The following CGNL1 variants were observed in gnomAD, a reference collection of about 807,000 sequenced individuals.
The protein encoded by CGNL1 is cingulin-like protein 1.
Under a neutral mutation model 141.2 loss-of-function variants are expected in CGNL1, and 132 were observed. The ratio of observed to expected loss-of-function variants is 0.93; its 90% CI spans 0.81 to 1.08. The LOEUF is 1.08. CGNL1 is among the 50% of genes least tolerant of loss of function. The probability of loss-of-function intolerance (pLI) is 0.00; values close to 1 mark genes in which losing one functional copy is unlikely to be tolerated. For missense variants in CGNL1, 1,870 were observed against 1,588.6 expected (o/e 1.18, Z -3.01); for synonymous variants, 690 against 622.1 (o/e 1.11, Z -1.63).
intron 1 of CGNL1, among the ~76,000 whole-genome samples, chr15:57,383,122 A>C (rs1443715171): frequency 6.6e-6 from 1 of 152,140 alleles, no homozygotes; most frequent in Non-Finnish European, 1.5e-5. Context: ...TCCTTGCCCT[A>C]ATCAAGTATC....
intron 14 of CGNL1, among the ~76,000 whole-genome samples, chr15:57,540,524 T>C (rs1268308553): frequency 1.3e-5 from 2 of 152,190 alleles, no homozygotes; most frequent in Non-Finnish European, 2.9e-5. Flanking sequence ...TTGTGGGAAC[T>C]ACAATTTAAG....
At chr15:57,417,168 A>G (rs894637721) in intron 1 of CGNL1, among the ~76,000 whole-genome samples, 4 of 152,204 alleles carry the variant, frequency 2.6e-5, no homozygotes, top group Non-Finnish European at 5.9e-5. Context: ...TTACTGCACT[A>G]TTACGTATCT....
chr15:57,383,595 CCTTTT>C (rs71441464), intron 1 of CGNL1, among the ~76,000 whole-genome samples: 51,582 of 107,246 alleles, frequency 0.48, 10,707 homozygotes, highest in South Asian at 0.55. Context: ...ACCACATCTG[CCTTTT>C]CTTTTCTTTT....
chr15:57,377,320 A>G (rs1397203605), intron 1 of CGNL1, among the ~76,000 whole-genome samples: 1 of 152,188 alleles, frequency 6.6e-6, no homozygotes, highest in East Asian at 1.9e-4. Flanking sequence ...TTTTGCGGGC[A>G]TTGGTTCTCA....
Position 57,522,848 on chromosome 15 carries a change from A to G in CGNL1, c.2716-641A>G, listed in dbSNP as rs184619263. Among the ~76,000 whole-genome samples, 40 of 152,204 alleles carry G rather than the reference A, an allele frequency of 2.6e-4. 1 individual carries two copies. Among genetic ancestry groups the G allele is most frequent in the East Asian group, 1.9e-4 (1 of 5,178 alleles). On this transcript the variant is annotated intron_variant, in intron 10 of 18. Transcript: ENST00000281282. Reference sequence around the variant, plus strand: ...ATCAACAACCACCTACCTGGCTAGTATTTTATCTGAGTAGTGTCTCTTCCA... The same window carrying G: ...ATCAACAACCACCTACCTGGCTAGTGTTTTATCTGAGTAGTGTCTCTTCCA...
intron 8 of CGNL1, among the ~76,000 whole-genome samples, chr15:57,512,178 G>A (rs1458729681): frequency 6.6e-6 from 1 of 152,178 alleles, no homozygotes; most frequent in East Asian, 1.9e-4. Context: ...TCAGAGTTGG[G>A]AGAACTTTGA....
chr15:57,383,631 CTTTTT>C (rs745909275), intron 1 of CGNL1, among the ~76,000 whole-genome samples: 1 of 37,978 alleles, frequency 2.6e-5, no homozygotes. Context: ...CTTTTCTTTT[CTTTTT>C]TTTTTTGAGA....
At chr15:57,485,623 T>G (rs1375109076) in intron 8 of CGNL1, among the ~76,000 whole-genome samples, 1 of 152,254 alleles carries the variant, frequency 6.6e-6, no homozygotes, top group Non-Finnish European at 1.5e-5. Context: ...CCATTCAAAT[T>G]GTAATTGTGT....
intron 7 of CGNL1, 51 bp downstream of exon 7, chr15:57,453,869 A>C (rs1317181961): frequency 6.2e-7 from 1 of 1,605,430 alleles, no homozygotes; most frequent in South Asian, 1.1e-5. Context: ...CCTGCCTGGA[A>C]AGATGGAGTG....
intron 4 of CGNL1, among the ~76,000 whole-genome samples, chr15:57,448,610 T>G (rs978148674): frequency 6.6e-6 from 1 of 151,706 alleles, no homozygotes; most frequent in African/African-American, 2.4e-5. Flanking sequence ...ATCTGGCCAA[T>G]GCACTCCAGC....
intron 8 of CGNL1, among the ~76,000 whole-genome samples, chr15:57,465,227 A>T (rs185821631): frequency 1.3e-5 from 2 of 152,290 alleles, no homozygotes; most frequent in African/African-American, 2.4e-5. Flanking sequence ...GTATTATAGA[A>T]TAGAACATTA....
At chr15:57,416,674 A>T (rs1224042551) in intron 1 of CGNL1, among the ~76,000 whole-genome samples, 4 of 152,202 alleles carry the variant, frequency 2.6e-5, no homozygotes, top group Non-Finnish European at 4.4e-5. Context: ...GGGTGCACAC[A>T]CAGATGCTTT....
At chr15:57,517,422 G>A (rs2030904132) in intron 9 of CGNL1, among the ~76,000 whole-genome samples, 3 of 152,160 alleles carry the variant, frequency 2.0e-5, no homozygotes, top group African/African-American at 7.2e-5. Context: ...CTCTAGCAGT[G>A]GGAAGCTGTG....
chr15:57,377,604 T>A lies in CGNL1; in HGVS notation c.-16+1037T>A, dbSNP rs147068584. The stretch of plus-strand genomic sequence containing the variant: ...TCCACCTCTCCACCTGAAGAACCTG[T>A]TGATTGGTGCTTTCCAACTTTAGAC... On this transcript the variant is annotated intron_variant, in intron 1 of 18. Coordinates refer to ENST00000281282, the MANE Select transcript of CGNL1 (RefSeq NM_032866.5). Among the ~76,000 whole-genome samples, 49 of 152,286 alleles carry A rather than the reference T, an allele frequency of 3.2e-4. 1 individual carries two copies. Among genetic ancestry groups the A allele is most frequent in the African/African-American group, 1.1e-3 (47 of 41,562 alleles).
At chr15:57,539,847 C>T (rs539499784) in intron 14 of CGNL1, among the ~76,000 whole-genome samples, 9 of 152,288 alleles carry the variant, frequency 5.9e-5, no homozygotes, top group South Asian at 4.2e-4. Flanking sequence ...TGGCTTCCAC[C>T]GGCATCGCCC....
intron 8 of CGNL1, among the ~76,000 whole-genome samples, chr15:57,505,208 C>T (rs1394056775): frequency 1.3e-5 from 2 of 152,166 alleles, no homozygotes; most frequent in Non-Finnish European, 2.9e-5. Context: ...CTGGGTGGTA[C>T]ACAGTAATTC....
intron 8 of CGNL1, among the ~76,000 whole-genome samples, chr15:57,493,254 T>C (rs1352900021): frequency 6.6e-6 from 1 of 152,190 alleles, no homozygotes; most frequent in Non-Finnish European, 1.5e-5. Context: ...AGATGATCCT[T>C]ACAAGTCTGC....
rs763993124 is a variant in CGNL1, at chr15:57,439,112, G to T, written c.1113G>T (p.Arg371Ser). ...AACCTGGGCTTCAGAGAAGAGGAAG[G>T]TCTGGGAAGCGAAACAGAATTAATA... is the stretch of plus-strand genomic sequence containing the variant. ...DQKPGLQRRG[R>S]SGKRNRINTD... The change falls in exon 2 of 19, where the codon AGG (arginine) becomes AGT (serine). Residue 371 changes from arginine to serine, a missense_variant. Physicochemically the swap from Arg to Ser is moderately radical, Grantham distance 110. Coordinates refer to ENST00000281282, the MANE Select transcript of CGNL1 (RefSeq NM_032866.5). 5.0e-6 allele frequency: 8 copies of T among 1,614,102 alleles called. No individual in the cohort carries two copies. Among genetic ancestry groups the T allele is most frequent in the East Asian group, 4.5e-5 (2 of 44,886 alleles).
chr15:57,495,221 C>T (rs1401876389), intron 8 of CGNL1, among the ~76,000 whole-genome samples: 3 of 152,142 alleles, frequency 2.0e-5, no homozygotes, highest in Admixed American at 6.5e-5. Flanking sequence ...CAGCTGTCAG[C>T]AACTCATTTG....
Sources: gnomAD v4.1 joint callset for allele counts (sites outside exome capture counted in the v4.1 genomes callset) on GRCh38, gnomAD v4.1.1 for gene constraint, MANE v1.5 for transcripts, NCBI Gene and HGNC (gene_info 2026-07-23, HGNC 2026-07-21) for gene names.